Variants in SNAPC4 observed in about 807,000 individuals in gnomAD.
SNAPC4 encodes the protein snRNA-activating protein complex subunit 4.
A neutral mutation model predicts 151.3 loss-of-function variants in SNAPC4; 127 were observed. The ratio of observed to expected loss-of-function variants is 0.84; its 90% CI spans 0.73 to 0.97. SNAPC4 has a LOEUF of 0.97. SNAPC4 is among the 50% of genes least tolerant of loss of function. SNAPC4 has a pLI of 0.00. For missense variants in SNAPC4, 2,186 were observed against 1,935.0 expected (o/e 1.13, Z -2.43); for synonymous variants, 1,002 against 824.4 (o/e 1.22, Z -3.69).
rs768400953 is a variant in SNAPC4, at chr9:136,395,353, C to A, written c.416G>T (p.Ser139Ile). ...CTTCATGAAGTGCCCCATGTATGTGCTTGGGGGCAGGCTTTTGCCATCTTT... is the reference window on the plus strand; with the variant it reads ...CTTCATGAAGTGCCCCATGTATGTGATTGGGGGCAGGCTTTTGCCATCTTT... The part of the protein sequence containing the change: ...KVKDGKSLPP[S>I]TYMGHFMKPY... The change falls in exon 5 of 24, where the codon AGC becomes ATC. Residue 139 changes from serine to isoleucine, a missense_variant. Transcript: ENST00000684778. 1 of 1,613,634 alleles carries A rather than the reference C, an allele frequency of 6.2e-7. No individual in the cohort carries two copies. Among genetic ancestry groups the A allele is most frequent in the South Asian group, 1.1e-5 (1 of 91,084 alleles).
chr9:136,397,962 C>T (rs1159659336), intron 2 of SNAPC4, among the ~76,000 whole-genome samples: 3 of 152,080 alleles, frequency 2.0e-5, no homozygotes, highest in African/African-American at 7.2e-5. Context: ...CCAGCTGGTT[C>T]AGGGGCTAGC....
chr9:136,382,340 A>AT lies in SNAPC4; in HGVS notation c.1984-5dup, dbSNP rs760242520. 7.4e-6 allele frequency: 12 copies of AT among 1,612,932 alleles called. No individual in the cohort carries two copies. In the African/African-American group the frequency reaches 1.2e-4, roughly 16 times the overall value. On this transcript the variant is annotated splice_polypyrimidine_tract_variant and splice_region_variant and intron_variant, in intron 16 of 23. Coordinates refer to ENST00000684778, the MANE Select transcript of SNAPC4 (RefSeq NM_003086.4). ...CTGTCAGCAGACGCCTCCCACCCTG[A>AT]TGAGAAAGCTGCCTGAGGCGAGGCA...
intron 13 of SNAPC4, among the ~76,000 whole-genome samples, chr9:136,386,739 C>T (rs529370848): frequency 1.4e-4 from 21 of 151,126 alleles, no homozygotes; most frequent in Admixed American, 1.1e-3. Flanking sequence ...TGGCCTTCTA[C>T]ACTTCATTTT....
rs545952405 is a variant in SNAPC4, at chr9:136,399,905, G to C, written c.-10+229C>G. Among the ~76,000 whole-genome samples the C allele has an allele frequency of 9.0e-3, 1,376 of 152,224 alleles. 23 individuals are homozygous for C. The highest frequency in any genetic ancestry group is 0.031 in the African/African-American group (1,291 of 41,546). ...GGGCCGCCCCGCCGGAGCCTCCTCG[G>C]AGCCCGCAGCCCGCTCCCAGCCGAG... On this transcript the variant is annotated intron_variant, in intron 1 of 23. Transcript: ENST00000684778.
At chr9:136,396,365 A>G (rs1449635760) in intron 3 of SNAPC4, among the ~76,000 whole-genome samples, 1 of 152,236 alleles carries the variant, frequency 6.6e-6, no homozygotes, top group Non-Finnish European at 1.5e-5. Context: ...GGCAGCTAAT[A>G]AAATAATCAC....
chr9:136,381,361 G>A lies in SNAPC4; in HGVS notation c.2349C>T (p.Ala783=). ...TAAACACAGGGGTGCTGGCCAGGCG[G>A]GCCTGCTGCAGCTGCTCCCTGAGGC... The part of the protein sequence containing the change: ...ADGLREQLQQ[A]RLASTPVFTL... The change falls in exon 19 of 24, where the codon GCC becomes GCT. Residue 783 remains alanine, a synonymous_variant. Transcript: ENST00000684778. 6.2e-7 allele frequency: 1 copy of A among 1,612,798 alleles called. No homozygotes were observed. Among genetic ancestry groups the A allele is most frequent in the Non-Finnish European group, 8.5e-7 (1 of 1,179,850 alleles).
At chr9:136,380,306 G>A (rs1377563886) in intron 20 of SNAPC4, among the ~76,000 whole-genome samples, 9 of 152,100 alleles carry the variant, frequency 5.9e-5, no homozygotes, top group Non-Finnish European at 1.2e-4. Flanking sequence ...AGAGGCGGGG[G>A]GGCTGGAAGC....
intron 18 of SNAPC4, 105 bp downstream of exon 18, chr9:136,381,719 C>T (rs1833699255): frequency 7.0e-7 from 1 of 1,433,388 alleles, no homozygotes; most frequent in Non-Finnish European, 9.4e-7. Flanking sequence ...AAAGACTCCC[C>T]TGCTGAGGCC....
chr9:136,379,195 C>T lies in SNAPC4; in HGVS notation c.2632G>A (p.Ala878Thr). 2 of 1,607,604 alleles carry T rather than the reference C, an allele frequency of 1.2e-6. No homozygotes were observed. Among genetic ancestry groups the T allele is most frequent in the Non-Finnish European group, 8.5e-7 (1 of 1,177,966 alleles). Residue 878 changes from alanine (A) to threonine (T), a missense_variant, in exon 22 of 24, where the codon GCG becomes ACG. Ala to Thr is a moderately conservative substitution (Grantham distance 58). Coordinates refer to ENST00000684778, the MANE Select transcript of SNAPC4 (RefSeq NM_003086.4). ...SSRVERTLPQ[A>T]SLLASTGPRP... ...GGGCCGGTTGAAGCCAGCAGGGACG[C>T]CTGGGGTAGGGTGCGCTCCACCCGG...
intron 7 of SNAPC4, among the ~76,000 whole-genome samples, chr9:136,393,811 T>A (rs1021592337): frequency 6.6e-6 from 1 of 152,078 alleles, no homozygotes; most frequent in African/African-American, 2.4e-5. Flanking sequence ...CATGAGCATC[T>A]CTCCATGGCC....
chr9:136,392,182 G>A, intron 9 of SNAPC4, 76 bp from the exon 10 acceptor site: 2 of 1,561,508 alleles, frequency 1.3e-6, no homozygotes, highest in Non-Finnish European at 1.7e-6. Context: ...AGGCTGAGCT[G>A]TTGCTCTCCG....
At chr9:136,375,970 A>C (rs1196155479) in intron 23 of SNAPC4, among the ~76,000 whole-genome samples, 170 bp from the exon 24 acceptor site, 1 of 152,216 alleles carries the variant, frequency 6.6e-6, no homozygotes, top group African/African-American at 2.4e-5. Context: ...CCAGGGCTCC[A>C]GCAGTGAAGA....
intron 1 of SNAPC4, 193 bp from the exon 2 acceptor site, chr9:136,398,630 T>G (rs1564398131): frequency 3.5e-6 from 2 of 576,224 alleles, no homozygotes; most frequent in Non-Finnish European, 6.1e-6. Context: ...CCCCACAAAC[T>G]CCTGCTATGT....
chr9:136,380,534 G>A (rs888754385), intron 20 of SNAPC4, among the ~76,000 whole-genome samples: 6 of 152,318 alleles, frequency 3.9e-5, no homozygotes, highest in African/African-American at 7.2e-5. Context: ...AAACAGGCAC[G>A]TGGGCCCCAG....
chr9:136,390,793 G>A (rs551397519), intron 10 of SNAPC4, among the ~76,000 whole-genome samples: 25 of 151,242 alleles, frequency 1.7e-4, no homozygotes, highest in Non-Finnish European at 3.2e-4. Flanking sequence ...AAACTATGTA[G>A]CAGTAAAATA....
rs768556711 is a variant in SNAPC4, at chr9:136,377,952, A to AC, written c.3874dup (p.Val1292GlyfsTer47). ...TCTGCTGCCCAGAAGAGGCACACGC[A>AC]CCCCCCGCTGGCCCCCCAGCCACTG... On this transcript the variant is annotated frameshift_variant, in exon 22 of 24. Coordinates refer to ENST00000684778, the MANE Select transcript of SNAPC4 (RefSeq NM_003086.4). LOFTEE classifies it high-confidence loss of function. 10 of 1,596,786 alleles carry AC rather than the reference A, an allele frequency of 6.3e-6. No individual in the cohort carries two copies. Among genetic ancestry groups the AC allele is most frequent in the East Asian group, 4.5e-5 (2 of 44,198 alleles).
intron 17 of SNAPC4, 31 bp downstream of exon 17, chr9:136,382,222 C>A (rs1259503082): frequency 8.1e-6 from 13 of 1,607,964 alleles, no homozygotes; most frequent in Admixed American, 1.7e-5. Context: ...CACGTGGTGG[C>A]GTGCGCGTGG....
At position 136,381,440 on chromosome 9, in the gene SNAPC4, C is replaced by T. The variant is rs534179077; in HGVS notation, c.2318-48G>A. On this transcript the variant is annotated intron_variant, in intron 18 of 23. Transcript: ENST00000684778. The stretch of plus-strand genomic sequence containing the variant: ...GGAAAGCAGCCCCAGCTCCCATGGG[C>T]ACAGGGGGATGGGTGGAAAGCAGCC... 16 of 1,520,156 alleles carry T rather than the reference C, an allele frequency of 1.1e-5. No homozygotes were observed. The Admixed American group carries it at 2.2e-4, about 21-fold the overall frequency. 94.2% of individuals were successfully genotyped at this position (1,520,156 alleles called of 1,614,324 possible).
Position 136,377,881 on chromosome 9 carries a change from C to A in SNAPC4, c.3946G>T (p.Gly1316Cys), listed in dbSNP as rs778474886. Residue 1316 changes from glycine to cysteine, a missense_variant, in exon 22 of 24, where the codon GGT becomes TGT. Physicochemically the swap from Gly to Cys is radical, Grantham distance 159 (BLOSUM62 -3). Transcript: ENST00000684778. The stretch of plus-strand genomic sequence containing the variant: ...AGGGCCTTCTTGTGGAGTAGGAGAC[C>A]GGACAGAGCTCGCAGGCTGCACAGG... ...PALCSLRALS[G>C]LLLHKKALEH... 6.2e-7 allele frequency: 1 copy of A among 1,611,306 alleles called. No homozygotes were observed. The highest frequency in any genetic ancestry group is 1.3e-5 in the African/African-American group (1 of 74,902).
Sources: gnomAD v4.1 joint callset for allele counts (sites outside exome capture counted in the v4.1 genomes callset) on GRCh38, gnomAD v4.1.1 for gene constraint, MANE v1.5 for transcripts, NCBI Gene and HGNC (gene_info 2026-07-23, HGNC 2026-07-21) for gene names.